Variants in ZNF420 observed in about 807,000 individuals in gnomAD.
The protein encoded by ZNF420 is ATM and p53-associated KZNF protein.
Under a neutral mutation model 44.7 loss-of-function variants are expected in ZNF420, and 31 were observed. That is an observed-to-expected ratio of 0.69 (90% CI 0.52 to 0.94). The LOEUF (loss-of-function observed/expected upper bound fraction) is 0.94. ZNF420 is among the 40% of genes least tolerant of loss of function. ZNF420 has a pLI of 0.00. For missense variants in ZNF420, 681 were observed against 827.9 expected (o/e 0.82, Z 2.18); for synonymous variants, 245 against 267.4 (o/e 0.92, Z 0.82).
chr19:37,123,747 C>T (rs936836687), intron 4 of ZNF420, among the ~76,000 whole-genome samples: 3 of 151,616 alleles, frequency 2.0e-5, no homozygotes, highest in Non-Finnish European at 2.9e-5. Context: ...GGACTACAGG[C>T]GTGTGCCACC....
intron 1 of ZNF420, among the ~76,000 whole-genome samples, chr19:37,048,646 C>A (rs530439270): frequency 1.3e-5 from 2 of 152,232 alleles, no homozygotes; most frequent in East Asian, 3.9e-4. Context: ...TAAGGAATTC[C>A]TCAGATGAGA....
chr19:37,096,278 T>G (rs1465735864), intron 4 of ZNF420, among the ~76,000 whole-genome samples: 1 of 152,184 alleles, frequency 6.6e-6, no homozygotes, highest in Non-Finnish European at 1.5e-5. Context: ...ATCTTATACT[T>G]TCATATATTT....
At chr19:37,100,713 CA>C (rs34286073) in intron 4 of ZNF420, among the ~76,000 whole-genome samples, 17 of 146,438 alleles carry the variant, frequency 1.2e-4, no homozygotes, top group East Asian at 6.0e-4. Flanking sequence ...AACTCCATCT[CA>C]AAAAAAAAAA....
chr19:37,096,665 C>T (rs1486771620), intron 4 of ZNF420, among the ~76,000 whole-genome samples: 1 of 152,130 alleles, frequency 6.6e-6, no homozygotes, highest in Non-Finnish European at 1.5e-5. Flanking sequence ...CATATTTACT[C>T]CATCTACTTT....
intron 1 of ZNF420, among the ~76,000 whole-genome samples, chr19:37,064,958 G>A (rs1302041335): frequency 1.3e-5 from 2 of 152,194 alleles, no homozygotes; most frequent in Non-Finnish European, 2.9e-5. Flanking sequence ...TAGAGGCTGC[G>A]AAGGCCCGAG....
At chr19:37,011,033 CT>C (rs1228782457) in intron 1 of ZNF420, among the ~76,000 whole-genome samples, 2 of 152,196 alleles carry the variant, frequency 1.3e-5, no homozygotes, top group African/African-American at 4.8e-5. Context: ...TTTGGCACTC[CT>C]CCCCTCAGCC....
chr19:37,089,125 C>T lies in ZNF420; in HGVS notation c.7C>T (p.Arg3Trp), dbSNP rs757606983. Residue 3 changes from arginine (R) to tryptophan (W), a missense_variant and splice_region_variant, in exon 3 of 5, where the codon CGG becomes TGG. Arg to Trp is a moderately radical substitution (Grantham distance 101). Around this residue, in one of 3 missense-constraint regions of ZNF420, gnomAD observed 350 missense variants for 382.5 expected, o/e 0.92. Transcript: ENST00000337995. ...TCTTGCAGCTCTAAAAACCATGGCT[C>T]GGGTAAATTGGAGTTTCCTTGTGCT... is the stretch of plus-strand genomic sequence containing the variant. MARKLVMFRDVAI... is the reference protein window; with the variant it reads MAWKLVMFRDVAI... 32 of 1,613,092 alleles carry T rather than the reference C, an allele frequency of 2.0e-5. No homozygotes were observed. The highest frequency in any genetic ancestry group is 2.4e-5 in the Non-Finnish European group (28 of 1,179,220).
chr19:37,012,442 C>G (rs896445564), intron 1 of ZNF420, among the ~76,000 whole-genome samples: 4 of 152,186 alleles, frequency 2.6e-5, no homozygotes, highest in Admixed American at 6.5e-5. Flanking sequence ...GCTTGGGTGT[C>G]GGGGCCCTGA....
At chr19:37,024,119 C>T (rs1199687445) in intron 1 of ZNF420, among the ~76,000 whole-genome samples, 1 of 152,134 alleles carries the variant, frequency 6.6e-6, no homozygotes, top group Non-Finnish European at 1.5e-5. Context: ...TAGGTCTCCA[C>T]AACCCCTTTT....
At chr19:37,034,422 T>C (rs548534997) in intron 1 of ZNF420, among the ~76,000 whole-genome samples, 1 of 152,374 alleles carries the variant, frequency 6.6e-6, no homozygotes, top group East Asian at 1.9e-4. Flanking sequence ...ACTTATCAAA[T>C]ATATTATTTG....
At position 37,128,134 on chromosome 19, in the gene ZNF420, C is replaced by T. The variant is rs1407269222; in HGVS notation, c.1143C>T (p.His381=). The part of the protein sequence containing the change: ...AFIRGSQLTQ[H]QRIHTNEKPY... ...TCCGTGGCTCACAACTTACTCAACACCAGAGAATTCACACCAATGAAAAGC... is the reference window on the plus strand; with the variant it reads ...TCCGTGGCTCACAACTTACTCAACATCAGAGAATTCACACCAATGAAAAGC... Residue 381 remains histidine (H), a synonymous_variant, in exon 5 of 5, where the codon CAC becomes CAT. Coordinates refer to ENST00000337995, the MANE Select transcript of ZNF420 (RefSeq NM_144689.5). 6.2e-7 allele frequency: 1 copy of T among 1,613,412 alleles called. No individual in the cohort carries two copies. Among genetic ancestry groups the T allele is most frequent in the Non-Finnish European group, 8.5e-7 (1 of 1,179,810 alleles).
rs1971514660 is a variant in ZNF420, at chr19:37,128,920, T to C, written c.1929T>C (p.Tyr643=). 6.2e-7 allele frequency: 1 copy of C among 1,614,082 alleles called. No homozygotes were observed. ...HQRIHTGEKP[Y]QCKECGKAFT... The stretch of plus-strand genomic sequence containing the variant: ...GAATTCATACTGGTGAGAAACCATA[T>C]CAATGTAAGGAATGTGGGAAGGCCT... Residue 643 remains tyrosine (Y), a synonymous_variant, in exon 5 of 5, where the codon TAT becomes TAC. Coordinates refer to ENST00000337995, the MANE Select transcript of ZNF420 (RefSeq NM_144689.5).
At chr19:37,061,974 GTTTAGCCTCACT>G (rs1967886676) in intron 1 of ZNF420, among the ~76,000 whole-genome samples, 1 of 152,170 alleles carries the variant, frequency 6.6e-6, no homozygotes, top group Non-Finnish European at 1.5e-5. Flanking sequence ...TCATCTATGT[GTTTAGCCTCACT>G]TTTAGGTCAT....
At chr19:37,076,059 T>A (rs191772275), upstream of ZNF420, among the ~76,000 whole-genome samples, 1 of 152,264 alleles carries the variant, frequency 6.6e-6, no homozygotes, top group Non-Finnish European at 1.5e-5. Flanking sequence ...CCTATACTTT[T>A]TTTAAAAAAA....
At chr19:37,110,656 C>A (rs534786477) in intron 4 of ZNF420, among the ~76,000 whole-genome samples, 13 of 152,296 alleles carry the variant, frequency 8.5e-5, no homozygotes, top group African/African-American at 3.1e-4. Context: ...TATGCAGAAT[C>A]TGATACAATA....
intron 1 of ZNF420, among the ~76,000 whole-genome samples, chr19:37,029,636 C>T (rs1381279282): frequency 6.6e-6 from 1 of 151,818 alleles, no homozygotes. Context: ...CAGCCTCAGC[C>T]TCCCAGATTC....
chr19:37,056,044 A>T (rs1046455095), intron 1 of ZNF420, among the ~76,000 whole-genome samples: 1 of 151,646 alleles, frequency 6.6e-6, no homozygotes, highest in African/African-American at 2.4e-5. Context: ...TGTATCTGTG[A>T]GTGTGTCTCC....
At chr19:37,064,116 A>G (rs150369860) in intron 1 of ZNF420, among the ~76,000 whole-genome samples, 332 of 152,340 alleles carry the variant, frequency 2.2e-3, no homozygotes, top group Non-Finnish European at 4.0e-3. Flanking sequence ...ATGACATTCT[A>G]TCCTATTACT....
intron 1 of ZNF420, among the ~76,000 whole-genome samples, chr19:37,012,742 C>T (rs955028726): frequency 4.2e-5 from 6 of 143,488 alleles, no homozygotes; most frequent in Non-Finnish European, 7.7e-5. Context: ...GGGGGGTGTG[C>T]TTCTGTGCCA....
Sources: gnomAD v4.1 joint callset for allele counts (sites outside exome capture counted in the v4.1 genomes callset) on GRCh38, gnomAD v4.1.1 for gene constraint, gnomAD v4.1.1 regional missense constraint, MANE v1.5 for transcripts, NCBI Gene and HGNC (gene_info 2026-07-23, HGNC 2026-07-21) for gene names.